The following PNPLA7 variants were observed in gnomAD, a reference collection of about 807,000 sequenced individuals.
PNPLA7 encodes the protein patatin like domain 7, lysophospholipase.
PNPLA7 carries 153 observed loss-of-function variants against 161.7 expected under a neutral mutation model. The observed-to-expected ratio is 0.95, with a 90% confidence interval of 0.83 to 1.08. The LOEUF is 1.08. Among genes scored for constraint, PNPLA7 ranks in the 50% least tolerant of loss-of-function variants. PNPLA7 has a pLI of 0.00. For missense variants in PNPLA7, 1,739 were observed against 1,856.6 expected (o/e 0.94, Z 1.16); for synonymous variants, 809 against 782.1 (o/e 1.03, Z -0.57).
At position 137,515,539 on chromosome 9, in the gene PNPLA7, A is replaced by T. The variant is rs749849412; in HGVS notation, c.1085-20T>A. 1 of 1,521,934 alleles carries T rather than the reference A, an allele frequency of 6.6e-7. No homozygotes were observed. Among genetic ancestry groups the T allele is most frequent in the Non-Finnish European group, 8.8e-7 (1 of 1,137,892 alleles). 94.3% of individuals were successfully genotyped at this position (1,521,934 alleles called of 1,614,324 possible). A position where few individuals can be genotyped will look rare whatever the true frequency, so the allele number is the denominator to read the frequency against. ...CGTGATCTGCTGGGGAGGCAGCCGT[A>T]AGCAACCTTGTTTGCACGCACTCCC... On this transcript the variant is annotated intron_variant, in intron 11 of 34. Transcript: ENST00000406427.
In PNPLA7 at chr9:137,540,609, G is replaced by A; in HGVS notation, c.747+33C>T. ...ACCAGGCCTCCGGGGCCAACCCAGGGGCGCCCGGAGGGCCAGGCAGCGGGG... is the reference window on the plus strand; with the variant it reads ...ACCAGGCCTCCGGGGCCAACCCAGGAGCGCCCGGAGGGCCAGGCAGCGGGG... On this transcript the variant is annotated intron_variant, in intron 8 of 34. Coordinates refer to ENST00000406427, the MANE Select transcript of PNPLA7 (RefSeq NM_001098537.3). The surrounding 1 kb of genome is among the most constrained non-coding windows in gnomAD (Gnocchi z 5.1). 6.3e-7 allele frequency: 1 copy of A among 1,581,840 alleles called. No homozygotes were observed. The highest frequency in any genetic ancestry group is 8.6e-7 in the Non-Finnish European group (1 of 1,162,972).
At position 137,547,600 on chromosome 9, in the gene PNPLA7, A is replaced by G; in HGVS notation, c.90T>C (p.Gly30=). Residue 30 remains glycine (G), a synonymous_variant, in exon 2 of 35, where the codon GGT becomes GGC. Coordinates refer to ENST00000406427, the MANE Select transcript of PNPLA7 (RefSeq NM_001098537.3). The surrounding 1 kb of genome is among the most constrained non-coding windows in gnomAD (Gnocchi z 4.6). ...HSWGLWFTEE[G]SPSTMLTGIA... ...AGGTGATTACCATGGTGGACGGTGA[A>G]CCTTCCTCCGTGAACCACAGTCCCC... 2 of 1,613,196 alleles carry G rather than the reference A, an allele frequency of 1.2e-6. No individual in the cohort carries two copies. Among genetic ancestry groups the G allele is most frequent in the Non-Finnish European group, 1.7e-6 (2 of 1,179,846 alleles).
rs375052362 is a variant in PNPLA7, at chr9:137,484,650, C to T, written c.2284G>A (p.Val762Met). 172 of 1,612,394 alleles carry T rather than the reference C, an allele frequency of 1.1e-4. No homozygotes were observed. Among genetic ancestry groups the T allele is most frequent in the Middle Eastern group, 1.6e-4 (1 of 6,076 alleles). Residue 762 changes from valine (V) to methionine (M), a missense_variant, in exon 21 of 35, where the codon GTG becomes ATG. Physicochemically the swap from Val to Met is conservative, Grantham distance 21. Around this residue, in one of 6 missense-constraint regions of PNPLA7, gnomAD observed 192 missense variants for 249.5 expected, o/e 0.77. Coordinates refer to ENST00000406427, the MANE Select transcript of PNPLA7 (RefSeq NM_001098537.3). Reference protein sequence around the residue: ...VNLSTVAVMPVSEEVPLTAFA... With the variant: ...VNLSTVAVMPMSEEVPLTAFA... The stretch of plus-strand genomic sequence containing the variant: ...GCGGTGAGGGGCACTTCCTCTGACA[C>T]GGGCATCACTGCCACCGTGGACAGG...
Position 137,500,986 on chromosome 9 carries a change from C to G in PNPLA7, c.1552-90G>C, listed in dbSNP as rs1466057241. On this transcript the variant is annotated intron_variant, in intron 15 of 34. Transcript: ENST00000406427. The surrounding 1 kb of genome is among the most constrained non-coding windows in gnomAD (Gnocchi z 5.5). ...GCCCAGAGCGGACGATGCCACCAGG[C>G]TCAGCCGGGAGACCATCCGCCGACC... 2 of 1,240,610 alleles carry G rather than the reference C, an allele frequency of 1.6e-6. No individual in the cohort carries two copies. The highest frequency in any genetic ancestry group is 4.5e-5 in the Admixed American group (2 of 44,294). 76.9% of individuals were successfully genotyped at this position (1,240,610 alleles called of 1,614,324 possible). A position where few individuals can be genotyped will look rare whatever the true frequency, so the allele number is the denominator to read the frequency against.
intron 30 of PNPLA7, 176 bp downstream of exon 30, chr9:137,462,509 G>A (rs989294219): frequency 1.4e-5 from 19 of 1,378,496 alleles, no homozygotes; most frequent in Middle Eastern, 2.6e-4. Flanking sequence ...CTTCAGGCCC[G>A]TCCGGCCTCG....
intron 8 of PNPLA7, among the ~76,000 whole-genome samples, chr9:137,534,947 A>G (rs1835806552): frequency 7.1e-6 from 1 of 140,774 alleles, no homozygotes; most frequent in Admixed American, 6.8e-5. Flanking sequence ...TAACCCCAGC[A>G]GGGCCAAACA....
chr9:137,464,722 G>A, intron 26 of PNPLA7: 2 of 486,834 alleles, frequency 4.1e-6, no homozygotes, highest in Admixed American at 3.5e-5. Context: ...TACCCTCGCA[G>A]GCTCTGCAGC....
chr9:137,510,988 A>G (rs1178153638), intron 12 of PNPLA7, among the ~76,000 whole-genome samples: 1 of 152,286 alleles, frequency 6.6e-6, no homozygotes, highest in African/African-American at 2.4e-5. Flanking sequence ...GATTATTATA[A>G]CCAAAGAAAA....
chr9:137,513,214 G>A (rs902889715), intron 12 of PNPLA7, among the ~76,000 whole-genome samples: 1 of 152,142 alleles, frequency 6.6e-6, no homozygotes, highest in South Asian at 2.1e-4. Context: ...CTTTGAGGCC[G>A]GGTGCGGTGG....
At position 137,462,693 on chromosome 9, in the gene PNPLA7, T is replaced by C. The variant is rs1011802362; in HGVS notation, c.3484A>G (p.Lys1162Glu). 22 of 1,613,682 alleles carry C rather than the reference T, an allele frequency of 1.4e-5. No individual in the cohort carries two copies. The highest frequency in any genetic ancestry group is 1.9e-5 in the Non-Finnish European group (22 of 1,179,900). ...LWKRWNPLAT[K>E]VKVLNMAEIQ... ...GCCCGGTAGCACCCCACCTTGACTTTCGTGGCCAAGGGGTTCCAGCGTTTC... is the reference window on the plus strand; with the variant it reads ...GCCCGGTAGCACCCCACCTTGACTTCCGTGGCCAAGGGGTTCCAGCGTTTC... Residue 1162 changes from lysine to glutamate, a missense_variant, in exon 30 of 35, where the codon AAA (lysine) becomes GAA (glutamate). Lys to Glu is a moderately conservative substitution (Grantham distance 56, BLOSUM62 1). This residue lies in a region of PNPLA7 where 703 missense variants were observed against 694.6 expected (regional missense o/e 1.01). Transcript: ENST00000406427.
chr9:137,505,958 G>A (rs768178716), intron 13 of PNPLA7, 25 bp downstream of exon 13: 3 of 1,592,086 alleles, frequency 1.9e-6, no homozygotes, highest in South Asian at 2.2e-5. Flanking sequence ...CCAGGCGGAG[G>A]GTGAGAATGA....
chr9:137,530,819 C>T (rs1461894197), intron 8 of PNPLA7, among the ~76,000 whole-genome samples: 1 of 151,916 alleles, frequency 6.6e-6, no homozygotes, highest in East Asian at 1.9e-4. Context: ...ACCAGGCTCA[C>T]GGCTGCTGCT....
Position 137,540,745 on chromosome 9 carries a change from G to A in PNPLA7, c.667-23C>T, listed in dbSNP as rs1564367816. On this transcript the variant is annotated intron_variant, in intron 7 of 34. Transcript: ENST00000406427. This position sits in a 1 kb window ranked among gnomAD's most constrained non-coding sequence, Gnocchi z 5.1. ...GTCCTGCGCTTGGAGAGCAGAGTGG[G>A]TGCCGTCAGGTCTGGGGCTGCGACC... The A allele has an allele frequency of 5.0e-6, 8 of 1,598,458 alleles. No homozygotes were observed. In the Middle Eastern group the frequency reaches 9.9e-4, roughly 198 times the overall value.
At chr9:137,460,950 G>A (rs1326084414) in intron 33 of PNPLA7, 3 of 557,792 alleles carry the variant, frequency 5.4e-6, no homozygotes, top group African/African-American at 3.8e-5. Context: ...TCACTTCGTG[G>A]GTCTTCCACA....
At chr9:137,497,035 C>T in intron 18 of PNPLA7, 152 bp downstream of exon 18, 2 of 1,092,790 alleles carry the variant, frequency 1.8e-6, no homozygotes, top group Admixed American at 4.2e-5. Context: ...GCCCGGGGCT[C>T]ACAGCAAAGC....
Position 137,541,856 on chromosome 9 carries a change from A to C in PNPLA7, c.666+786T>G, listed in dbSNP as rs963578465. Reference sequence around the variant, plus strand: ...GAGTGCAGTGGCGTGAACACAGCTCACTATAGCCGCAACCTCCCAGACTCA... The same window carrying C: ...GAGTGCAGTGGCGTGAACACAGCTCCCTATAGCCGCAACCTCCCAGACTCA... On this transcript the variant is annotated intron_variant, in intron 7 of 34. Transcript: ENST00000406427. The surrounding 1 kb of genome is among the most constrained non-coding windows in gnomAD (Gnocchi z 4.4). Among the ~76,000 whole-genome samples the C allele has an allele frequency of 6.6e-6, 1 of 151,762 alleles. No homozygotes were observed. Among genetic ancestry groups the C allele is most frequent in the Non-Finnish European group, 1.5e-5 (1 of 67,972 alleles).
At position 137,499,200 on chromosome 9, in the gene PNPLA7, ACACACAGG is replaced by A. The variant is rs1833240778; in HGVS notation, c.1758-963_1758-956del. On this transcript the variant is annotated intron_variant, in intron 16 of 34. Coordinates refer to ENST00000406427, the MANE Select transcript of PNPLA7 (RefSeq NM_001098537.3). This position sits in a 1 kb window ranked among gnomAD's most constrained non-coding sequence, Gnocchi z 5.5. ...CACGGAGACACACGGACACAGGCAG[ACACACAGG>A]CACACCGAGACACACACAGACACAC... Among the ~76,000 whole-genome samples, 1 of 149,812 alleles carries A rather than the reference ACACACAGG, an allele frequency of 6.7e-6. No homozygotes were observed. Among genetic ancestry groups the A allele is most frequent in the Admixed American group, 6.6e-5 (1 of 15,062 alleles).
chr9:137,519,652 C>A (rs1275062551), intron 11 of PNPLA7, among the ~76,000 whole-genome samples: 2 of 140,668 alleles, frequency 1.4e-5, no homozygotes, highest in Non-Finnish European at 3.0e-5. Flanking sequence ...TCTGATGAGA[C>A]CTGGGGGGCA....
intron 8 of PNPLA7, among the ~76,000 whole-genome samples, chr9:137,539,424 C>T (rs1344775424): frequency 6.6e-6 from 1 of 152,172 alleles, no homozygotes; most frequent in Non-Finnish European, 1.5e-5. Flanking sequence ...GTAATCCCAG[C>T]ATTTTGGGAG....
Sources: allele counts gnomAD v4.1 joint callset (sites outside exome capture counted in the v4.1 genomes callset), GRCh38; gene constraint gnomAD v4.1.1; regional missense constraint gnomAD v4.1.1; non-coding constraint Gnocchi (gnomAD v3.1); transcripts MANE v1.5; gene names NCBI Gene and HGNC (gene_info 2026-07-23, HGNC 2026-07-21).